Variants in MCC observed in about 807,000 individuals in gnomAD.
The protein encoded by MCC is colorectal mutant cancer protein.
Under a neutral mutation model 116.2 loss-of-function variants are expected in MCC, and 90 were observed. The observed-to-expected ratio is 0.77, with a 90% confidence interval of 0.65 to 0.92. MCC has a LOEUF of 0.92. MCC is among the 40% of genes least tolerant of loss of function. The pLI is 0.00. For synonymous variants in MCC, 578 were observed against 510.5 expected (o/e 1.13, Z -1.78); for missense variants, 1,516 against 1,312.2 (o/e 1.16, Z -2.40).
rs200546328 is a variant in MCC, at chr5:113,083,881, G to GA, written c.1635+219dup. Among the ~76,000 whole-genome samples, 1,505 of 151,744 alleles carry GA rather than the reference G, an allele frequency of 9.9e-3. 12 individuals are homozygous for GA. The highest frequency in any genetic ancestry group is 0.016 in the Non-Finnish European group (1,082 of 67,866). The stretch of plus-strand genomic sequence containing the variant: ...TGTTTCTGAATGGTTTCAAGGAAAG[G>GA]AAAAAAAATCTCCCTTAAAGCTGAA... On this transcript the variant is annotated intron_variant, in intron 10 of 18. Coordinates refer to ENST00000408903, the MANE Select transcript of MCC (RefSeq NM_001085377.2).
chr5:113,414,452 C>G (rs1168548059), intron 1 of MCC, among the ~76,000 whole-genome samples: 1 of 152,148 alleles, frequency 6.6e-6, no homozygotes, highest in African/African-American at 2.4e-5. Flanking sequence ...CTGGGTGTTC[C>G]TGTATTGAGT....
chr5:113,171,609 C>A (rs1465402847), intron 3 of MCC, among the ~76,000 whole-genome samples: 1 of 152,036 alleles, frequency 6.6e-6, no homozygotes, highest in Non-Finnish European at 1.5e-5. Context: ...CCCATCTTGG[C>A]CTTCTGAAAT....
chr5:113,263,508 A>T (rs1765290165), intron 3 of MCC, among the ~76,000 whole-genome samples: 1 of 152,216 alleles, frequency 6.6e-6, no homozygotes, highest in African/African-American at 2.4e-5. Context: ...GTACCATTAA[A>T]ACATGGCTCT....
chr5:113,205,775 A>G (rs1762887960), intron 3 of MCC, among the ~76,000 whole-genome samples: 1 of 152,140 alleles, frequency 6.6e-6, no homozygotes, highest in Non-Finnish European at 1.5e-5. Context: ...CGGGTAGCGA[A>G]ACCATGAGGG....
At chr5:113,363,954 C>T (rs1353508689) in intron 2 of MCC, among the ~76,000 whole-genome samples, 1 of 152,136 alleles carries the variant, frequency 6.6e-6, no homozygotes, top group Non-Finnish European at 1.5e-5. Context: ...GAAACTATAG[C>T]CAGACACAGT....
chr5:113,166,932 C>T (rs761791079), intron 3 of MCC, among the ~76,000 whole-genome samples: 1 of 152,118 alleles, frequency 6.6e-6, no homozygotes, highest in Non-Finnish European at 1.5e-5. Context: ...GGGATTCAGG[C>T]TTGCTCTAAA....
At chr5:113,415,149 T>C (rs972382747) in intron 1 of MCC, among the ~76,000 whole-genome samples, 3 of 152,246 alleles carry the variant, frequency 2.0e-5, no homozygotes, top group East Asian at 1.9e-4. Flanking sequence ...GTTAGTCTGA[T>C]GGGCTTCCCT....
At chr5:113,044,031 G>A (rs185889976) in intron 16 of MCC, among the ~76,000 whole-genome samples, 55 of 152,346 alleles carry the variant, frequency 3.6e-4, no homozygotes, top group Admixed American at 1.8e-3. Flanking sequence ...CACCAGCTAG[G>A]AAATGGGGGA....
intron 11 of MCC, among the ~76,000 whole-genome samples, chr5:113,078,697 A>T (rs534872162): frequency 6.6e-6 from 1 of 152,210 alleles, no homozygotes. Flanking sequence ...CCCACAGCCA[A>T]TATCATACTG....
chr5:113,086,816 G>C (rs1236287185), intron 8 of MCC, among the ~76,000 whole-genome samples: 1 of 152,210 alleles, frequency 6.6e-6, no homozygotes, highest in East Asian at 1.9e-4. Context: ...ATTTAAGACA[G>C]GGCTTTCTAA....
chr5:113,100,982 G>C (rs1002323376), intron 8 of MCC, among the ~76,000 whole-genome samples: 1 of 152,192 alleles, frequency 6.6e-6, no homozygotes, highest in Non-Finnish European at 1.5e-5. Context: ...GCCAAACACA[G>C]AAGTGCTTGT....
chr5:113,389,207 G>A (rs1422597768), intron 1 of MCC, among the ~76,000 whole-genome samples: 1 of 152,150 alleles, frequency 6.6e-6, no homozygotes, highest in Non-Finnish European at 1.5e-5. Flanking sequence ...GAATCGCAGG[G>A]TATTTCCATA....
At chr5:113,266,797 AAAAACAAAAC>A (rs914516903) in intron 3 of MCC, among the ~76,000 whole-genome samples, 2 of 149,790 alleles carry the variant, frequency 1.3e-5, no homozygotes, top group South Asian at 2.1e-4. Context: ...ATATGGACAA[AAAAACAAAAC>A]AAAACAAAAA....
At chr5:113,448,166 T>C (rs2150418827) in intron 1 of MCC, 1 of 152,382 alleles carries the variant, frequency 6.6e-6, no homozygotes, top group Non-Finnish European at 1.5e-5. Context: ...TCCAAAAGTT[T>C]TTAAGTATGA....
At chr5:113,262,586 G>A (rs1765256696) in intron 3 of MCC, among the ~76,000 whole-genome samples, 1 of 152,112 alleles carries the variant, frequency 6.6e-6, no homozygotes, top group African/African-American at 2.4e-5. Context: ...GACCTTAATA[G>A]GTAGAGAGGG....
chr5:113,104,561 G>C (rs1388005838), intron 6 of MCC: 1 of 423,110 alleles, frequency 2.4e-6, no homozygotes, highest in East Asian at 3.6e-5. Context: ...TCAGATGATG[G>C]TCATTTTCTG....
At chr5:113,324,669 C>A (rs1039335104) in intron 3 of MCC, among the ~76,000 whole-genome samples, 1 of 152,170 alleles carries the variant, frequency 6.6e-6, no homozygotes, top group Non-Finnish European at 1.5e-5. Flanking sequence ...CTATTTCTTT[C>A]TGAGAATCTA....
At chr5:113,335,822 G>A (rs13159509) in intron 3 of MCC, among the ~76,000 whole-genome samples, 17,825 of 151,678 alleles carry the variant, frequency 0.12, 1,337 homozygotes, top group Non-Finnish European at 0.17. Flanking sequence ...ATGGCCATGA[G>A]AGACATTCTG....
intron 3 of MCC, among the ~76,000 whole-genome samples, chr5:113,325,978 T>C (rs888072878): frequency 1.3e-5 from 2 of 152,074 alleles, no homozygotes; most frequent in Non-Finnish European, 2.9e-5. Context: ...TGCCAGTGAG[T>C]GTGGAGTAAG....
Sources: gnomAD v4.1 joint callset for allele counts (sites outside exome capture counted in the v4.1 genomes callset) on GRCh38, gnomAD v4.1.1 for gene constraint, MANE v1.5 for transcripts, NCBI Gene and HGNC (gene_info 2026-07-23, HGNC 2026-07-21) for gene names.